ROCK2: variants seen among roughly 807,000 people sequenced by gnomAD.
ROCK2 encodes the protein rho-associated protein kinase 2.
In ROCK2, 61 loss-of-function variants were observed where a neutral mutation model predicts 195.1. The ratio of observed to expected loss-of-function variants is 0.31; its 90% confidence interval spans 0.25 to 0.39. The LOEUF is 0.39. Among genes scored for constraint, ROCK2 ranks in the 10% least tolerant of loss-of-function variants. The pLI is 1.00. For missense variants in ROCK2, 1,109 were observed against 1,637.4 expected, an observed-to-expected ratio of 0.68 and a Z score of 5.57; for synonymous variants, 504 against 545.5, an observed-to-expected ratio of 0.92 and a Z score of 1.06.
intron 1 of ROCK2, among the ~76,000 whole-genome samples, chr2:11,309,931 A>C (rs1667981555): frequency 1.3e-5 from 2 of 152,174 alleles, no homozygotes; most frequent in South Asian, 4.1e-4. Context: ...GAGTGAGCCA[A>C]GATCATGCCA....
Position 11,181,181 on chromosome 2 carries a change from A to AATATATATATATATATAT in ROCK2, c.*2238_*2255dup, listed in dbSNP as rs71393855. ...TTTCACCTTAATAAAGTTTATTAAA[A>AATATATATATATATATAT]ATATATATATATATATATATATATA... is the stretch of plus-strand genomic sequence containing the variant. On this transcript the variant is annotated 3_prime_UTR_variant, in exon 33 of 33. Transcript: ENST00000315872. 1 of 136,158 alleles carries AATATATATATATATATAT rather than the reference A, an allele frequency of 7.3e-6. No homozygotes were observed. Among genetic ancestry groups the AATATATATATATATATAT allele is most frequent in the South Asian group, 2.3e-4 (1 of 4,276 alleles). 8.4% of individuals were successfully genotyped at this position (136,158 alleles called of 1,614,324 possible). A position where few individuals can be genotyped will look rare whatever the true frequency, so the allele number is the denominator to read the frequency against.
intron 1 of ROCK2, among the ~76,000 whole-genome samples, chr2:11,314,404 A>T (rs1307620803): frequency 2.0e-5 from 3 of 149,474 alleles, no homozygotes; most frequent in African/African-American, 4.9e-5. Flanking sequence ...TGTTAAAGGT[A>T]TTTAAAATAG....
rs918415562 is a variant in ROCK2 at position 11,201,712 on chromosome 2, CA to C, written c.2620-300del. On this transcript the variant is annotated intron_variant, in intron 21 of 32. Transcript: ENST00000315872. The surrounding 1 kb of genome is among the most constrained non-coding windows in gnomAD (Gnocchi z 4.6). Reference sequence around the variant, plus strand: ...CAAGGAAAAACATTAACAATTTAGACAAAAAAATGTTATTGGCTTAAATCAA... The same window carrying C: ...CAAGGAAAAACATTAACAATTTAGACAAAAAATGTTATTGGCTTAAATCAA... Among the ~76,000 whole-genome samples, 4 of 151,848 alleles carry C rather than the reference CA, an allele frequency of 2.6e-5. No homozygotes were observed. The highest frequency in any genetic ancestry group is 9.7e-5 in the African/African-American group (4 of 41,352).
chr2:11,293,558 G>C (rs1175789700), intron 1 of ROCK2, among the ~76,000 whole-genome samples: 2 of 152,164 alleles, frequency 1.3e-5, no homozygotes, highest in East Asian at 1.9e-4. Context: ...GCTCAGCATG[G>C]CAAGATAGGA....
chr2:11,258,341 T>C (rs1666107732), intron 3 of ROCK2, among the ~76,000 whole-genome samples: 2 of 151,548 alleles, frequency 1.3e-5, no homozygotes, highest in African/African-American at 4.9e-5. Context: ...TACCTGCGTA[T>C]TTCTTTGATA....
At chr2:11,233,694 T>C (rs1047098897) in intron 5 of ROCK2, among the ~76,000 whole-genome samples, 1 of 152,044 alleles carries the variant, frequency 6.6e-6, no homozygotes, top group Non-Finnish European at 1.5e-5. Context: ...GGGAGAGATA[T>C]AAAAACAATG....
chr2:11,190,165 T>A (rs1040496125), intron 32 of ROCK2, among the ~76,000 whole-genome samples: 47 of 152,132 alleles, frequency 3.1e-4, no homozygotes, highest in African/African-American at 1.1e-3. Flanking sequence ...ACCACCTTTA[T>A]GTTTAGAATT....
At chr2:11,267,788 G>A (rs1023580350) in intron 3 of ROCK2, among the ~76,000 whole-genome samples, 3 of 149,730 alleles carry the variant, frequency 2.0e-5, no homozygotes, top group Non-Finnish European at 4.4e-5. Flanking sequence ...TGGGACTACA[G>A]GTGCACGCCA....
chr2:11,200,458 C>T (rs1371281890), intron 23 of ROCK2, among the ~76,000 whole-genome samples: 1 of 152,176 alleles, frequency 6.6e-6, no homozygotes, highest in Non-Finnish European at 1.5e-5. Context: ...CCACTCCCAT[C>T]ATATATACCA....
intron 1 of ROCK2, among the ~76,000 whole-genome samples, chr2:11,316,644 A>G (rs1023360263): frequency 6.6e-6 from 1 of 152,186 alleles, no homozygotes; most frequent in Non-Finnish European, 1.5e-5. Context: ...GGTCTGGAAC[A>G]TGCAGGCTTT....
chr2:11,299,270 T>A (rs1340014006), intron 1 of ROCK2, among the ~76,000 whole-genome samples: 2 of 147,108 alleles, frequency 1.4e-5, no homozygotes, highest in Non-Finnish European at 3.0e-5. Flanking sequence ...CAAGACTCCA[T>A]CTCAAAAAAA....
At chr2:11,236,001 C>A (rs770672273) in intron 4 of ROCK2, 39 bp from the exon 5 acceptor site, 227 of 1,435,924 alleles carry the variant, frequency 1.6e-4, no homozygotes, top group Admixed American at 2.6e-4. Context: ...TTTAAAAACC[C>A]AAACCAAAAA....
intron 3 of ROCK2, among the ~76,000 whole-genome samples, chr2:11,277,197 A>G (rs1666854867): frequency 6.6e-6 from 1 of 152,162 alleles, no homozygotes; most frequent in Non-Finnish European, 1.5e-5. Flanking sequence ...TGTGCTATAC[A>G]ATTCTATGGC....
intron 23 of ROCK2, 112 bp downstream of exon 23, chr2:11,200,842 TGTA>T: frequency 1.2e-6 from 1 of 862,248 alleles, no homozygotes; most frequent in Non-Finnish European, 1.7e-6. Flanking sequence ...TTAAAAATCT[TGTA>T]GTCAGCATAT....
intron 32 of ROCK2, among the ~76,000 whole-genome samples, chr2:11,185,595 G>A (rs1663165803): frequency 6.6e-6 from 1 of 151,558 alleles, no homozygotes; most frequent in South Asian, 2.1e-4. Flanking sequence ...TGGGCATGGT[G>A]GCAGGTGCCT....
intron 3 of ROCK2, among the ~76,000 whole-genome samples, chr2:11,260,589 A>ACAAC (rs574328161): frequency 2.0e-5 from 3 of 152,198 alleles, no homozygotes; most frequent in Non-Finnish European, 4.4e-5. Flanking sequence ...AGCAATCCAT[A>ACAAC]CAACATTAAG....
At chr2:11,253,458 T>A (rs1665909555) in intron 3 of ROCK2, among the ~76,000 whole-genome samples, 1 of 152,190 alleles carries the variant, frequency 6.6e-6, no homozygotes, top group Admixed American at 6.5e-5. Flanking sequence ...CTCAAAGAGG[T>A]CTTCTCTGAC....
chr2:11,188,675 G>A (rs1416047704), intron 32 of ROCK2, among the ~76,000 whole-genome samples: 2 of 151,282 alleles, frequency 1.3e-5, no homozygotes, highest in African/African-American at 2.4e-5. Flanking sequence ...CCAGGCTGGA[G>A]TGCAGTGGCG....
At chr2:11,209,674 T>C (rs1664181280) in intron 18 of ROCK2, among the ~76,000 whole-genome samples, 1 of 152,218 alleles carries the variant, frequency 6.6e-6, no homozygotes, top group Admixed American at 6.5e-5. Flanking sequence ...AGTTAAAGGA[T>C]TATCTTGATA....
Sources: allele counts gnomAD v4.1 joint callset (sites outside exome capture counted in the v4.1 genomes callset), GRCh38; gene constraint gnomAD v4.1.1; non-coding constraint Gnocchi (gnomAD v3.1); transcripts MANE v1.5; gene names NCBI Gene and HGNC (gene_info 2026-07-23, HGNC 2026-07-21).